Variants in TRMT5 observed in about 807,000 individuals in gnomAD.
TRMT5 encodes the protein tRNA (guanine(37)-N(1))-methyltransferase.
In TRMT5, 31 loss-of-function variants were observed where a neutral mutation model predicts 42.2. The observed-to-expected ratio is 0.73, with a 90% CI of 0.55 to 0.99. The LOEUF (loss-of-function observed/expected upper bound fraction) is 0.99. Ranked by LOEUF, TRMT5 falls within the 50% of genes least tolerant of loss-of-function variation. The probability of loss-of-function intolerance (pLI) is 0.00; values close to 1 mark genes in which losing one functional copy is unlikely to be tolerated. For synonymous variants in TRMT5, 198 were observed against 209.6 expected (o/e 0.94, Z 0.48); for missense variants, 568 against 595.0 (o/e 0.95, Z 0.47).
intron 3 of TRMT5, among the ~76,000 whole-genome samples, 158 bp from the exon 4 acceptor site, chr14:60,976,284 G>A (rs1044778043): frequency 3.3e-5 from 5 of 152,154 alleles, no homozygotes; most frequent in Admixed American, 1.3e-4. Flanking sequence ...ATTTTAATTA[G>A]ACTCCTGGTG....
Position 60,980,988 on chromosome 14 carries a change from T to C in TRMT5, c.-15A>G. 6.2e-7 allele frequency: 1 copy of C among 1,611,294 alleles called. No individual in the cohort carries two copies. ...CAAAGCACCATTCCAATTCCCCACG[T>C]CGCTCTGCAGCTGGATCCGCGAGCC... On this transcript the variant is annotated 5_prime_UTR_variant, in exon 1 of 5. Coordinates refer to ENST00000261249, the MANE Select transcript of TRMT5 (RefSeq NM_020810.3).
chr14:60,980,787 G>A, intron 1 of TRMT5, 176 bp downstream of exon 1: 2 of 925,022 alleles, frequency 2.2e-6, no homozygotes, highest in South Asian at 1.6e-5. Flanking sequence ...GTAAAATGTG[G>A]CGAAAGGCTT....
upstream of TRMT5, chr14:60,981,232 G>A (rs1301154305): frequency 1.9e-6 from 3 of 1,565,912 alleles, no homozygotes; most frequent in Non-Finnish European, 2.6e-6. Flanking sequence ...GCGCAGGGCA[G>A]GGGTAGAGGC....
chr14:60,975,340 C>A, intron 4 of TRMT5, 135 bp downstream of exon 4: 1 of 1,311,350 alleles, frequency 7.6e-7, no homozygotes, highest in Non-Finnish European at 1.0e-6. Flanking sequence ...AATGAAATAG[C>A]CTTCTATTAG....
At chr14:60,975,264 CAA>C (rs2036828356) in intron 4 of TRMT5, 70 bp from the exon 5 acceptor site, 1 of 1,394,934 alleles carries the variant, frequency 7.2e-7, no homozygotes, top group African/African-American at 1.5e-5. Context: ...AAAAAACAAA[CAA>C]TATAGGCATT....
upstream of TRMT5, chr14:60,981,145 T>C (rs576780904): frequency 6.5e-7 from 1 of 1,544,732 alleles, no homozygotes; most frequent in South Asian, 1.2e-5. Context: ...GCTCCTCTCC[T>C]TCCAGGCCCT....
In TRMT5 at chr14:60,974,293, C is replaced by T. The variant is rs2036815448; in HGVS notation, c.*816G>A. On this transcript the variant is annotated 3_prime_UTR_variant, in exon 5 of 5. Transcript: ENST00000261249. ...TCACATTCAGTGTGTGTTGCAACCA[C>T]TCAACTCTGCTATTGTTCAAGAAAG... 3 of 152,222 alleles carry T rather than the reference C, an allele frequency of 2.0e-5. No homozygotes were observed. Among genetic ancestry groups the T allele is most frequent in the Admixed American group, 2.0e-4 (3 of 15,282 alleles). The allele number at this position is 152,222 out of a possible 1,614,324, so 9.4% of individuals were successfully genotyped here.
rs780711453 is a variant in TRMT5 at position 60,981,051 on chromosome 14, G to GGTCGCGGGTGGATGGGC, written c.-95_-79dup. 5.0e-6 allele frequency: 8 copies of GGTCGCGGGTGGATGGGC among 1,608,358 alleles called. No individual in the cohort carries two copies. In the Admixed American group the frequency reaches 1.0e-4, roughly 20 times the overall value. On this transcript the variant is annotated 5_prime_UTR_variant, in exon 1 of 5. Transcript: ENST00000261249. ...CCCGCTCCGGTACCGATCGGATGTG[G>GGTCGCGGGTGGATGGGC]GTCGCGGGTGGATGGGCGGGTCTTC...
intron 1 of TRMT5, among the ~76,000 whole-genome samples, chr14:60,980,630 G>A (rs984535126): frequency 6.6e-6 from 1 of 152,146 alleles, no homozygotes; most frequent in African/African-American, 2.4e-5. Context: ...AAATACCAAA[G>A]AATTTACTTG....
At chr14:60,977,754 T>TGGCCGGGC in intron 2 of TRMT5, 116 bp from the exon 3 acceptor site, 1 of 1,005,656 alleles carries the variant, frequency 9.9e-7, no homozygotes, top group East Asian at 2.7e-5. Context: ...AGACTGCACC[T>TGGCCGGGC]ACTGTGTGTA....
chr14:60,975,741 AT>A lies in TRMT5; in HGVS notation c.1177del (p.Ile393Ter), dbSNP rs759649088. 6.2e-7 allele frequency: 1 copy of A among 1,614,230 alleles called. No individual in the cohort carries two copies. The highest frequency in any genetic ancestry group is 2.2e-5 in the East Asian group (1 of 44,884). ...CCACTTGAAAGCACTAAGAAACTCTATAGCTTTTGCTGGCAAGTTCATGACA... is the reference window on the plus strand; with the variant it reads ...CCACTTGAAAGCACTAAGAAACTCTAAGCTTTTGCTGGCAAGTTCATGACA... Reference protein sequence around the residue: ...HVVMNLPAKAIEFLSAFKWLL... With the variant: ...HVVMNLPAKAXEFLSAFKWLL... On this transcript the variant is annotated frameshift_variant, in exon 4 of 5. Transcript: ENST00000261249. LOFTEE classifies it high-confidence loss of function.
rs369134720 is a variant in TRMT5 at position 60,979,889 on chromosome 14, TAAAA to T, written c.12-7_12-4del. On this transcript the variant is annotated splice_region_variant and splice_polypyrimidine_tract_variant and intron_variant, in intron 1 of 4. Coordinates refer to ENST00000261249, the MANE Select transcript of TRMT5 (RefSeq NM_020810.3). Reference sequence around the variant, plus strand: ...ATCCAAATGGCCTCCATAAGATCCTTAAAAAAAAAAAAAAAAAATTCACACACGA... The same window carrying T: ...ATCCAAATGGCCTCCATAAGATCCTTAAAAAAAAAAAAAATTCACACACGA... The T allele has an allele frequency of 5.9e-6, 8 of 1,358,892 alleles. No homozygotes were observed. In the African/African-American group the frequency reaches 6.4e-5, roughly 11 times the overall value. The allele number at this position is 1,358,892 out of a possible 1,614,324, so 84.2% of individuals were successfully genotyped here. A position where few individuals can be genotyped will look rare whatever the true frequency, so the allele number is the denominator to read the frequency against.
Position 60,977,525 on chromosome 14 carries a change from T to G in TRMT5, c.781A>C (p.Met261Leu). Residue 261 changes from methionine (M) to leucine (L), a missense_variant, in exon 3 of 5, where the codon ATG becomes CTG. Coordinates refer to ENST00000261249, the MANE Select transcript of TRMT5 (RefSeq NM_020810.3). ...QMEVLSGEQN[M>L]MTKVRENNYT... The stretch of plus-strand genomic sequence containing the variant: ...ATAATAAAATATACCTTTGTCATCA[T>G]GTTCTGCTCTCCAGATAGCACTTCC... 1 of 1,607,846 alleles carries G rather than the reference T, an allele frequency of 6.2e-7. No homozygotes were observed. The highest frequency in any genetic ancestry group is 1.1e-5 in the South Asian group (1 of 89,664).
rs779233002 is a variant in TRMT5, at chr14:60,980,825, T to C, written c.11+138A>G. 5 of 1,334,410 alleles carry C rather than the reference T, an allele frequency of 3.7e-6. No homozygotes were observed. The African/African-American group carries it at 7.2e-5, about 19-fold the overall frequency. 82.7% of individuals were successfully genotyped at this position (1,334,410 alleles called of 1,614,324 possible). The stretch of plus-strand genomic sequence containing the variant: ...GAAACATTCCTTACTATCCAGAACC[T>C]CGAAACTAAGCTCAGCACCTAGGCG... On this transcript the variant is annotated intron_variant, in intron 1 of 4. Transcript: ENST00000261249.
At chr14:60,977,034 A>T (rs1044961829) in intron 3 of TRMT5, among the ~76,000 whole-genome samples, 5 of 152,050 alleles carry the variant, frequency 3.3e-5, no homozygotes, top group African/African-American at 4.8e-5. Flanking sequence ...ATTTGTATGT[A>T]TATTTTTTTT....
At chr14:60,977,816 C>A (rs933302554) in intron 2 of TRMT5, among the ~76,000 whole-genome samples, 178 bp from the exon 3 acceptor site, 1 of 152,142 alleles carries the variant, frequency 6.6e-6, no homozygotes, top group African/African-American at 2.4e-5. Flanking sequence ...TAATGTCTGA[C>A]GGTTGCTAAT....
In TRMT5 at chr14:60,979,637, T is replaced by A. The variant is rs1299580075; in HGVS notation, c.261A>T (p.Arg87Ser). Reference sequence around the variant, plus strand: ...TGTTGACTGTCTTTTTAAAAGCTGTTCTATCAAGTTTTGTCATGCCTCGGA... The same window carrying A: ...TGTTGACTGTCTTTTTAAAAGCTGTACTATCAAGTTTTGTCATGCCTCGGA... ...SDVRGMTKLD[R>S]TAFKKTVNIP... Residue 87 changes from arginine (R) to serine (S), a missense_variant, in exon 2 of 5, where the codon AGA becomes AGT. Arg to Ser is a moderately radical substitution (Grantham distance 110, BLOSUM62 -1). Transcript: ENST00000261249. The A allele has an allele frequency of 1.2e-6, 2 of 1,614,154 alleles. No homozygotes were observed. The highest frequency in any genetic ancestry group is 1.7e-6 in the Non-Finnish European group (2 of 1,180,034).
Position 60,974,773 on chromosome 14 carries a change from G to A in TRMT5, c.*336C>T, listed in dbSNP as rs1439451664. On this transcript the variant is annotated 3_prime_UTR_variant, in exon 5 of 5. Transcript: ENST00000261249. ...GCAGTAAAGGAGTAGTTACGTAAAGGACAACTACAAAGTGGTGTTAATACC... is the reference window on the plus strand; with the variant it reads ...GCAGTAAAGGAGTAGTTACGTAAAGAACAACTACAAAGTGGTGTTAATACC... 1 of 156,176 alleles carries A rather than the reference G, an allele frequency of 6.4e-6. No homozygotes were observed. 9.7% of individuals were successfully genotyped at this position (156,176 alleles called of 1,614,324 possible).
At position 60,978,784 on chromosome 14, in the gene TRMT5, A is replaced by T. The variant is rs186227109; in HGVS notation, c.667+447T>A. 1.6e-4 allele frequency among the ~76,000 whole-genome samples: 25 copies of T among 152,320 alleles called. No homozygotes were observed. The East Asian group carries it at 4.4e-3, about 27-fold the overall frequency. On this transcript the variant is annotated intron_variant, in intron 2 of 4. Transcript: ENST00000261249. Reference sequence around the variant, plus strand: ...ATCAATAAAAACAAAAGAAATGTGTAACAGGACAGTATGGTGCTTGACATA... The same window carrying T: ...ATCAATAAAAACAAAAGAAATGTGTTACAGGACAGTATGGTGCTTGACATA...
Sources: allele counts gnomAD v4.1 joint callset (sites outside exome capture counted in the v4.1 genomes callset), GRCh38; gene constraint gnomAD v4.1.1; transcripts MANE v1.5; gene names NCBI Gene and HGNC (gene_info 2026-07-23, HGNC 2026-07-21).